The following TPD52 variants were observed in gnomAD, a reference collection of about 807,000 sequenced individuals.
TPD52 encodes tumor protein D52, also known as prostate and colon associated protein.
TPD52 carries 17 observed loss-of-function variants against 31.3 expected under a neutral mutation model. The ratio of observed to expected loss-of-function variants is 0.54; its 90% CI spans 0.37 to 0.82. The LOEUF (loss-of-function observed/expected upper bound fraction) is 0.82, where lower values mean the gene tolerates loss of function less well. TPD52 is among the 40% of genes least tolerant of loss of function. The pLI is 0.00. For missense variants in TPD52, 212 were observed against 240.1 expected (o/e 0.88, Z 0.77); for synonymous variants, 83 against 89.6 (o/e 0.93, Z 0.42).
At position 80,036,016 on chromosome 8, in the gene TPD52, C is replaced by A. The variant is rs1350393144; in HGVS notation, c.*2100G>T. On this transcript the variant is annotated 3_prime_UTR_variant, in exon 8 of 8. Transcript: ENST00000518937. ...TCTTTTTAATACTTCTTTCAAGGGG[C>A]AGAGTACTTTACAGTAGATTACTTT... The A allele has an allele frequency of 2.0e-5, 3 of 152,102 alleles. No individual in the cohort carries two copies. Among genetic ancestry groups the A allele is most frequent in the Non-Finnish European group, 4.4e-5 (3 of 68,012 alleles). 9.4% of individuals were successfully genotyped at this position (152,102 alleles called of 1,614,324 possible).
chr8:80,091,526 C>A (rs1401097975), intron 1 of TPD52, among the ~76,000 whole-genome samples: 2 of 151,520 alleles, frequency 1.3e-5, no homozygotes, highest in African/African-American at 4.9e-5. Flanking sequence ...CATCTCAGTA[C>A]ATGGTCCTGC....
Position 80,072,317 on chromosome 8 carries a change from A to ATGTGTGTGTGTGTGTGTG in TPD52, c.20-7742_20-7725dup, listed in dbSNP as rs146024001. On this transcript the variant is annotated intron_variant, in intron 1 of 7. Coordinates refer to ENST00000518937, the MANE Select transcript of TPD52 (RefSeq NM_001025253.3). The stretch of plus-strand genomic sequence containing the variant: ...GAGAGACTCCATCTAAAAAACATAT[A>ATGTGTGTGTGTGTGTGTG]TGTGTGTGTGTGTGTGTGTGTGTGT... 3.2e-3 allele frequency among the ~76,000 whole-genome samples: 384 copies of ATGTGTGTGTGTGTGTGTG among 121,346 alleles called. 15 individuals carry two copies. Among genetic ancestry groups the ATGTGTGTGTGTGTGTGTG allele is most frequent in the Middle Eastern group, 0.012 (3 of 252 alleles). 79.6% of individuals were successfully genotyped at this position (121,346 alleles called of 152,430 possible).
chr8:80,167,470 G>A (rs1049356044), intron 1 of TPD52, among the ~76,000 whole-genome samples: 1 of 152,126 alleles, frequency 6.6e-6, no homozygotes, highest in African/African-American at 2.4e-5. Context: ...TAGGGACTAG[G>A]CAGCCTGCCA....
chr8:80,146,498 A>G (rs1013419550), intron 1 of TPD52, among the ~76,000 whole-genome samples: 2 of 152,182 alleles, frequency 1.3e-5, no homozygotes, highest in African/African-American at 4.8e-5. Flanking sequence ...AAAACAAACT[A>G]CCTAAGGCCG....
chr8:80,111,010 A>T (rs1325550347), intron 1 of TPD52, among the ~76,000 whole-genome samples: 1 of 152,182 alleles, frequency 6.6e-6, no homozygotes, highest in Non-Finnish European at 1.5e-5. Context: ...GTTCAAGATT[A>T]GCCTGGGCAA....
rs1047439678 is a variant in TPD52, at chr8:80,168,834, G to A, written c.19+2591C>T. Among the ~76,000 whole-genome samples, 11 of 152,224 alleles carry A rather than the reference G, an allele frequency of 7.2e-5. 1 individual carries two copies. Among genetic ancestry groups the A allele is most frequent in the Non-Finnish European group, 1.3e-4 (9 of 68,046 alleles). Reference sequence around the variant, plus strand: ...TTTGGAGGGACACAGAGGTTACTATGGCTGGGGCCTGCTCTTGGACACTTT... The same window carrying A: ...TTTGGAGGGACACAGAGGTTACTATAGCTGGGGCCTGCTCTTGGACACTTT... On this transcript the variant is annotated intron_variant, in intron 1 of 7. Transcript: ENST00000518937.
chr8:80,136,252 C>T (rs1586370223), intron 1 of TPD52, among the ~76,000 whole-genome samples: 2 of 146,472 alleles, frequency 1.4e-5, no homozygotes, highest in Middle Eastern at 3.8e-3. Context: ...TGGCCGGGCG[C>T]GGTGGCTCAC....
intron 7 of TPD52, chr8:80,042,202 A>G (rs1165790405): frequency 1.0e-6 from 1 of 985,346 alleles, no homozygotes; most frequent in Non-Finnish European, 1.2e-6. Flanking sequence ...AAAGCGTAAC[A>G]GCATAATAGC....
intron 1 of TPD52, among the ~76,000 whole-genome samples, chr8:80,139,659 G>T (rs1481497748): frequency 6.6e-6 from 1 of 152,168 alleles, no homozygotes; most frequent in African/African-American, 2.4e-5. Flanking sequence ...CGGGGAAGGG[G>T]TTGCATTTGG....
intron 1 of TPD52, among the ~76,000 whole-genome samples, chr8:80,126,932 A>AAATTTGT (rs1808655272): frequency 1.3e-5 from 2 of 151,850 alleles, no homozygotes. Flanking sequence ...ACATAGAGAA[A>AAATTTGT]CCCTGTCTCT....
chr8:80,129,948 T>G (rs1006636866), intron 1 of TPD52, among the ~76,000 whole-genome samples: 2 of 152,244 alleles, frequency 1.3e-5, no homozygotes, highest in East Asian at 3.8e-4. Context: ...TCCACTGGCC[T>G]TGGCCTCCCA....
chr8:80,102,196 G>C (rs528525238), intron 1 of TPD52, among the ~76,000 whole-genome samples: 1 of 152,200 alleles, frequency 6.6e-6, no homozygotes. Flanking sequence ...TTCTGGCTCC[G>C]GATTTCCCCT....
At chr8:80,134,401 C>T (rs1362094880) in intron 1 of TPD52, among the ~76,000 whole-genome samples, 1 of 152,228 alleles carries the variant, frequency 6.6e-6, no homozygotes, top group East Asian at 1.9e-4. Flanking sequence ...TCTTAATGCT[C>T]ATCATCTCAT....
chr8:80,161,084 A>G (rs1460033796), intron 1 of TPD52, among the ~76,000 whole-genome samples: 1 of 152,094 alleles, frequency 6.6e-6, no homozygotes, highest in Non-Finnish European at 1.5e-5. Flanking sequence ...AGAAAAAGAA[A>G]AAAAGAAGTA....
At chr8:80,076,536 A>T (rs570668511) in intron 1 of TPD52, among the ~76,000 whole-genome samples, 1 of 152,156 alleles carries the variant, frequency 6.6e-6, no homozygotes, top group East Asian at 1.9e-4. Context: ...AGAGGAGCAA[A>T]AAAAGGGAAA....
At chr8:80,106,080 AT>A (rs145980235) in intron 1 of TPD52, among the ~76,000 whole-genome samples, 3,977 of 151,584 alleles carry the variant, frequency 0.026, 184 homozygotes, top group African/African-American at 0.091. Flanking sequence ...TTTTTTTCCT[AT>A]TTTTTTGTGG....
chr8:80,032,188 G>GTATCAAAT (rs914067562), downstream of TPD52, among the ~76,000 whole-genome samples: 2 of 147,588 alleles, frequency 1.4e-5, no homozygotes, highest in Non-Finnish European at 3.0e-5. Context: ...GAGTAAGTTT[G>GTATCAAAT]TATCAAATGA....
chr8:80,064,819 T>G (rs759671677), intron 1 of TPD52: 9 of 666,808 alleles, frequency 1.3e-5, no homozygotes, highest in Non-Finnish European at 1.7e-5. Flanking sequence ...TTAGAAAATA[T>G]AGCATTCTCT....
At chr8:80,039,693 T>C (rs1298568013) in intron 7 of TPD52, among the ~76,000 whole-genome samples, 1 of 151,826 alleles carries the variant, frequency 6.6e-6, no homozygotes, top group Non-Finnish European at 1.5e-5. Context: ...CCTACACATC[T>C]CTCTAGCTTC....
Sources: allele counts gnomAD v4.1 joint callset (sites outside exome capture counted in the v4.1 genomes callset), GRCh38; gene constraint gnomAD v4.1.1; transcripts MANE v1.5; gene names NCBI Gene and HGNC (gene_info 2026-07-23, HGNC 2026-07-21).